The following FAM151B variants were observed in gnomAD, a reference collection of about 807,000 sequenced individuals.
FAM151B encodes protein FAM151B.
A neutral mutation model predicts 31.2 loss-of-function variants in FAM151B; 24 were observed. That is an observed-to-expected ratio of 0.77 (90% CI 0.56 to 1.08). The LOEUF (loss-of-function observed/expected upper bound fraction) is 1.08. Ranked by LOEUF, FAM151B falls within the 50% of genes least tolerant of loss-of-function variation. FAM151B has a pLI of 0.00. For missense variants in FAM151B, 293 were observed against 328.6 expected (o/e 0.89, Z 0.84); for synonymous variants, 105 against 111.4 (o/e 0.94, Z 0.36).
At chr5:80,513,806 AG>A in intron 3 of FAM151B, 37 bp downstream of exon 3, 1 of 1,568,888 alleles carries the variant, frequency 6.4e-7, no homozygotes, top group Non-Finnish European at 8.6e-7. Flanking sequence ...CTGGGAAAAA[AG>A]TAATAGCTGT....
chr5:80,533,325 C>T lies in FAM151B; in HGVS notation c.672-8348C>T, dbSNP rs187836973. ...CTGGGAGGCGGAGCTTGCAGTGAACCGAGATCACACCACTGCACTCCAGCC... is the reference window on the plus strand; with the variant it reads ...CTGGGAGGCGGAGCTTGCAGTGAACTGAGATCACACCACTGCACTCCAGCC... On this transcript the variant is annotated intron_variant, in intron 5 of 5. Coordinates refer to ENST00000282226, the MANE Select transcript of FAM151B (RefSeq NM_205548.3). Among the ~76,000 whole-genome samples the T allele has an allele frequency of 4.1e-3, 625 of 151,638 alleles. 2 individuals carry two copies. Among genetic ancestry groups the T allele is most frequent in the African/African-American group, 0.014 (586 of 41,308 alleles).
rs567986808 is a variant in FAM151B, at chr5:80,526,140, T to A, written c.671+4002T>A. Among the ~76,000 whole-genome samples, 9 of 152,138 alleles carry A rather than the reference T, an allele frequency of 5.9e-5. No individual in the cohort carries two copies. The East Asian group carries it at 1.7e-3, about 29-fold the overall frequency. On this transcript the variant is annotated intron_variant, in intron 5 of 5. Transcript: ENST00000282226. ...GACTTGAGTACACAGAAAGTCAGCC[T>A]CCTTATACCCACATTTCAAATCCTG...
chr5:80,538,450 CTTTCTT>C (rs1256954562), intron 5 of FAM151B, among the ~76,000 whole-genome samples: 8,022 of 69,116 alleles, frequency 0.12, 580 homozygotes, highest in East Asian at 0.21. Flanking sequence ...CTTTCTTTCT[CTTTCTT>C]TCTTTCTTTC....
In FAM151B at chr5:80,542,531, G is replaced by A. The variant is rs1478314332; in HGVS notation, c.*699G>A. On this transcript the variant is annotated 3_prime_UTR_variant, in exon 6 of 6. Transcript: ENST00000282226. ...TCTTACTGCCACCACCTTCATTCAG[G>A]TCCTTGTTCTACTAGTAAAACTTTA... 1 of 151,566 alleles carries A rather than the reference G, an allele frequency of 6.6e-6. No individual in the cohort carries two copies. The highest frequency in any genetic ancestry group is 2.4e-5 in the African/African-American group (1 of 41,256). The allele number at this position is 151,566 out of a possible 1,614,324, so 9.4% of individuals were successfully genotyped here.
chr5:80,493,690 C>A (rs1438822340), intron 1 of FAM151B, among the ~76,000 whole-genome samples: 1 of 152,188 alleles, frequency 6.6e-6, no homozygotes, highest in Admixed American at 6.5e-5. Flanking sequence ...GCAGTACCCT[C>A]AGGCTTACTA....
chr5:80,508,584 G>A (rs1744069802), intron 2 of FAM151B, among the ~76,000 whole-genome samples: 1 of 152,088 alleles, frequency 6.6e-6, no homozygotes. Flanking sequence ...TTGCAGCTGA[G>A]TAGCTTTCTT....
intron 1 of FAM151B, among the ~76,000 whole-genome samples, chr5:80,490,460 C>T (rs1232246742): frequency 6.6e-6 from 1 of 152,190 alleles, no homozygotes; most frequent in Non-Finnish European, 1.5e-5. Flanking sequence ...GAGTATAATT[C>T]AGTGGTTTTA....
chr5:80,529,459 T>G (rs2112660094), intron 5 of FAM151B, among the ~76,000 whole-genome samples: 1 of 152,140 alleles, frequency 6.6e-6, no homozygotes, highest in African/African-American at 2.4e-5. Flanking sequence ...GCTGGTTTTT[T>G]GAAAAGATCA....
intron 2 of FAM151B, among the ~76,000 whole-genome samples, chr5:80,503,483 C>T (rs1743826251): frequency 6.6e-6 from 1 of 151,830 alleles, no homozygotes; most frequent in South Asian, 2.1e-4. Flanking sequence ...TCAGGAGGAT[C>T]GATTGAGCCC....
Position 80,541,923 on chromosome 5 carries a change from G to A in FAM151B, c.*91G>A, listed in dbSNP as rs1028461476. On this transcript the variant is annotated 3_prime_UTR_variant, in exon 6 of 6. Transcript: ENST00000282226. ...AATTACCATATAAATTATGGTTATT[G>A]ATTGACGTTCCAAGTCATCTAATCA... 2.1e-5 allele frequency: 28 copies of A among 1,348,480 alleles called. No homozygotes were observed. The highest frequency in any genetic ancestry group is 2.7e-5 in the Non-Finnish European group (27 of 994,964). The allele number at this position is 1,348,480 out of a possible 1,614,324, so 83.5% of individuals were successfully genotyped here.
intron 5 of FAM151B, among the ~76,000 whole-genome samples, chr5:80,532,923 A>G (rs993163372): frequency 8.5e-5 from 13 of 152,358 alleles, no homozygotes; most frequent in African/African-American, 3.1e-4. Flanking sequence ...GAAATTAAGA[A>G]AGAAATTGAA....
chr5:80,519,742 C>A lies in FAM151B; in HGVS notation c.367C>A (p.His123Asn), dbSNP rs1232293234. 1 of 1,614,122 alleles carries A rather than the reference C, an allele frequency of 6.2e-7. No homozygotes were observed. Among genetic ancestry groups the A allele is most frequent in the African/African-American group, 1.3e-5 (1 of 75,032 alleles). Reference sequence around the variant, plus strand: ...GATGCTCTTGGAAAATGTGAAGAGGCATCTGAAGCGTCCTGTATGGATTAA... The same window carrying A: ...GATGCTCTTGGAAAATGTGAAGAGGAATCTGAAGCGTCCTGTATGGATTAA... ...SMMLLENVKR[H>N]LKRPVWINAD... Residue 123 changes from histidine to asparagine, a missense_variant, in exon 4 of 6, where the codon CAT becomes AAT. His to Asn is a moderately conservative substitution (Grantham distance 68, BLOSUM62 1). Transcript: ENST00000282226.
intron 1 of FAM151B, 40 bp downstream of exon 1, chr5:80,488,188 G>C: frequency 6.6e-7 from 1 of 1,524,752 alleles, no homozygotes; most frequent in East Asian, 2.5e-5. Context: ...GAGGTGGGGC[G>C]CTTTGAGAGG....
chr5:80,505,323 T>C (rs999299650), intron 2 of FAM151B, among the ~76,000 whole-genome samples: 1 of 151,782 alleles, frequency 6.6e-6, no homozygotes. Context: ...ATGCTTTGCC[T>C]CACTGTAATT....
At chr5:80,508,630 C>T (rs1326636776) in intron 2 of FAM151B, among the ~76,000 whole-genome samples, 2 of 152,180 alleles carry the variant, frequency 1.3e-5, no homozygotes, top group Non-Finnish European at 2.9e-5. Flanking sequence ...TGGGAGCCCA[C>T]AGACCTCTTT....
At chr5:80,499,013 GAA>G (rs201109845) in intron 1 of FAM151B, 137 of 147,224 alleles carry the variant, frequency 9.3e-4, no homozygotes, top group South Asian at 3.5e-3. Flanking sequence ...ATGGCAGATG[GAA>G]AAAAAAAAAA....
In FAM151B at chr5:80,501,884, A is replaced by G; in HGVS notation, c.118A>G (p.Asn40Asp). 6.2e-7 allele frequency: 1 copy of G among 1,604,600 alleles called. No individual in the cohort carries two copies. Among genetic ancestry groups the G allele is most frequent in the Non-Finnish European group, 8.5e-7 (1 of 1,174,372 alleles). ...GAEITWYHAANHKAQTNEALK... is the reference protein window; with the variant it reads ...GAEITWYHAADHKAQTNEALK... ...TGAGATCACCTGGTATCATGCAGCT[A>G]ACCACAAGGCACAAACAAATGAGGC... The change falls in exon 2 of 6, where the codon AAC becomes GAC. Residue 40 changes from asparagine to aspartate, a missense_variant. Asn to Asp is a conservative substitution (Grantham distance 23). Transcript: ENST00000282226.
intron 1 of FAM151B, among the ~76,000 whole-genome samples, chr5:80,497,090 C>T (rs1004119907): frequency 2.6e-5 from 4 of 151,966 alleles, no homozygotes; most frequent in African/African-American, 2.4e-5. Flanking sequence ...GGATTACAGG[C>T]GTGAGCCACC....
At chr5:80,499,974 A>G (rs1743684139) in intron 1 of FAM151B, 1 of 158,012 alleles carries the variant, frequency 6.3e-6, no homozygotes, top group African/African-American at 2.4e-5. Context: ...AGCATTATTT[A>G]CAGTGGCCAA....
Sources: gnomAD v4.1 joint callset for allele counts (sites outside exome capture counted in the v4.1 genomes callset) on GRCh38, gnomAD v4.1.1 for gene constraint, MANE v1.5 for transcripts, NCBI Gene and HGNC (gene_info 2026-07-23, HGNC 2026-07-21) for gene names.